Variants in PLD1 observed in about 807,000 individuals in gnomAD.
PLD1 encodes choline phosphatase 1.
In PLD1, 112 loss-of-function variants were observed where a neutral mutation model predicts 137.1. The ratio of observed to expected loss-of-function variants is 0.82; its 90% confidence interval spans 0.70 to 0.96. The LOEUF (loss-of-function observed/expected upper bound fraction) is 0.96, where lower values mean the gene tolerates loss of function less well. Among genes scored for constraint, PLD1 ranks in the 40% least tolerant of loss-of-function variants. The pLI, the probability that PLD1 is intolerant of heterozygous loss-of-function variation, is 0.00. For missense variants in PLD1, 1,321 were observed against 1,342.0 expected, an observed-to-expected ratio of 0.98 and a Z score of 0.24; for synonymous variants, 431 against 454.7, an observed-to-expected ratio of 0.95 and a Z score of 0.66.
intron 11 of PLD1, among the ~76,000 whole-genome samples, chr3:171,703,452 A>G (rs562119720): frequency 6.6e-6 from 1 of 152,376 alleles, no homozygotes; most frequent in East Asian, 1.9e-4. Context: ...AATCTACAAA[A>G]AAGCTACCAG....
At chr3:171,670,307 C>G (rs145138961) in intron 19 of PLD1, among the ~76,000 whole-genome samples, 163 of 152,312 alleles carry the variant, frequency 1.1e-3, no homozygotes, top group South Asian at 5.4e-3. Flanking sequence ...ATAGAAATAA[C>G]AGAAGACTTG....
At chr3:171,619,624 C>G (rs1232201712) in intron 24 of PLD1, among the ~76,000 whole-genome samples, 1 of 152,078 alleles carries the variant, frequency 6.6e-6, no homozygotes, top group African/African-American at 2.4e-5. Context: ...AATATTTTAC[C>G]ATCCTTCTGA....
Position 171,603,662 on chromosome 3 carries a change from G to A in PLD1, c.3001-360C>T, listed in dbSNP as rs563483927. Among the ~76,000 whole-genome samples, 38 of 152,282 alleles carry A rather than the reference G, an allele frequency of 2.5e-4. 1 individual carries two copies. The East Asian group carries it at 6.8e-3, about 27-fold the overall frequency. On this transcript the variant is annotated intron_variant, in intron 26 of 26. Coordinates refer to ENST00000351298, the MANE Select transcript of PLD1 (RefSeq NM_002662.5). ...ATATTTTCCCTAACTTTTCTTGAAA[G>A]AGGCTCATATCTGTACCTTTACATA...
chr3:171,795,046 C>A (rs568795723), intron 1 of PLD1, among the ~76,000 whole-genome samples: 1 of 152,352 alleles, frequency 6.6e-6, no homozygotes, highest in South Asian at 2.1e-4. Context: ...TTATATCATT[C>A]TGATTAGGTG....
At chr3:171,720,909 C>T (rs1261296519) in intron 8 of PLD1, among the ~76,000 whole-genome samples, 1 of 152,172 alleles carries the variant, frequency 6.6e-6, no homozygotes, top group Non-Finnish European at 1.5e-5. Flanking sequence ...TAAATCCAAA[C>T]GTCAGTTTTT....
intron 24 of PLD1, among the ~76,000 whole-genome samples, chr3:171,616,410 G>A (rs1418854998): frequency 2.6e-5 from 4 of 152,160 alleles, no homozygotes; most frequent in Non-Finnish European, 4.4e-5. Context: ...AAATGTCCGT[G>A]TTCAAATCTC....
chr3:171,650,534 T>C (rs1402595912), intron 21 of PLD1, among the ~76,000 whole-genome samples: 1 of 151,856 alleles, frequency 6.6e-6, no homozygotes, highest in East Asian at 1.9e-4. Context: ...AAGGACGGGA[T>C]GTGGAGGGAG....
At chr3:171,801,804 A>G (rs1466873821) in intron 1 of PLD1, among the ~76,000 whole-genome samples, 1 of 152,194 alleles carries the variant, frequency 6.6e-6, no homozygotes, top group Non-Finnish European at 1.5e-5. Flanking sequence ...CCCCGGTAGA[A>G]CTCAAAAAAG....
intron 1 of PLD1, among the ~76,000 whole-genome samples, chr3:171,781,243 T>TA (rs71178238): frequency 3.2e-4 from 48 of 148,508 alleles, no homozygotes; most frequent in Admixed American, 4.7e-4. Flanking sequence ...CAAATGATGG[T>TA]AAAAAAAAAA....
rs2108245292 is a variant in PLD1 at position 171,603,149 on chromosome 3, A to C, written c.3154T>G (p.Leu1052Val). Residue 1052 changes from leucine (L) to valine (V), a missense_variant, in exon 27 of 27, where the codon TTG becomes GTG. Physicochemically the swap from Leu to Val is conservative, Grantham distance 32. Transcript: ENST00000351298. ...GAAGGCAGTAGGCTTTCTTCAGACA[A>C]GAAATAAAAGGGGAATTGCACCAAA... ...GFLVQFPFYFLSEESLLPSVG... is the reference protein window; with the variant it reads ...GFLVQFPFYFVSEESLLPSVG... 2 of 1,614,116 alleles carry C rather than the reference A, an allele frequency of 1.2e-6. No individual in the cohort carries two copies. Among genetic ancestry groups the C allele is most frequent in the East Asian group, 4.5e-5 (2 of 44,878 alleles).
Position 171,764,875 on chromosome 3 carries a change from GAAAGAAA to G in PLD1, c.-31-26800_-31-26794del, listed in dbSNP as rs1560288357. ...AGAAAGAAAGAAAGAAAGAAAGAAA[GAAAGAAA>G]GAAAGAAAGAAAGGAAGGAAGGAAG... is the stretch of plus-strand genomic sequence containing the variant. On this transcript the variant is annotated intron_variant, in intron 1 of 26. Transcript: ENST00000351298. 4.1e-3 allele frequency among the ~76,000 whole-genome samples: 125 copies of G among 30,244 alleles called. 17 individuals are homozygous for G. The highest frequency in any genetic ancestry group is 4.0e-3 in the Non-Finnish European group (58 of 14,436). 19.8% of individuals were successfully genotyped at this position (30,244 alleles called of 152,430 possible).
In PLD1 at chr3:171,603,027, G is replaced by A; in HGVS notation, c.*51C>T. 7.6e-7 allele frequency: 1 copy of A among 1,310,648 alleles called. No individual in the cohort carries two copies. The allele number at this position is 1,310,648 out of a possible 1,614,324, so 81.2% of individuals were successfully genotyped here. A position where few individuals can be genotyped will look rare whatever the true frequency, so the allele number is the denominator to read the frequency against. On this transcript the variant is annotated 3_prime_UTR_variant, in exon 27 of 27. Coordinates refer to ENST00000351298, the MANE Select transcript of PLD1 (RefSeq NM_002662.5). ...TATGACATCCCCAGGAAGTCACTGT[G>A]TGCAGTGTGGTCTCCAGGGTGGAAG...
chr3:171,747,453 CTCTCT>C (rs560044993), intron 1 of PLD1, among the ~76,000 whole-genome samples: 1 of 151,308 alleles, frequency 6.6e-6, no homozygotes, highest in Non-Finnish European at 1.5e-5. Context: ...TCTTCCCTGC[CTCTCT>C]TCTCTTCCTC....
intron 1 of PLD1, among the ~76,000 whole-genome samples, chr3:171,784,503 C>T (rs899987382): frequency 6.6e-6 from 1 of 152,158 alleles, no homozygotes; most frequent in African/African-American, 2.4e-5. Flanking sequence ...CCTAGCCTGA[C>T]CTTCCACTAT....
chr3:171,647,806 T>TAATGATCTA, intron 21 of PLD1, among the ~76,000 whole-genome samples: 2 of 152,280 alleles, frequency 1.3e-5, no homozygotes, highest in Middle Eastern at 6.8e-3. Flanking sequence ...ACAACTATCA[T>TAATGATCTA]AATGATCTAT....
At chr3:171,638,184 CAAAAAAAAAAA>C (rs1040418705) in intron 23 of PLD1, among the ~76,000 whole-genome samples, 29 of 66,808 alleles carry the variant, frequency 4.3e-4, no homozygotes, top group Middle Eastern at 0.016. Context: ...GACTCCGTCT[CAAAAAAAAAAA>C]AAAAAAAAAA....
intron 1 of PLD1, among the ~76,000 whole-genome samples, chr3:171,743,542 C>T (rs1445617790): frequency 6.6e-6 from 1 of 152,198 alleles, no homozygotes; most frequent in Non-Finnish European, 1.5e-5. Context: ...GCTGGTTATG[C>T]AATCCTTCCT....
At position 171,732,312 on chromosome 3, in the gene PLD1, A is replaced by G. The variant is rs74323039; in HGVS notation, c.606+1132T>C. On this transcript the variant is annotated intron_variant, in intron 6 of 26. Coordinates refer to ENST00000351298, the MANE Select transcript of PLD1 (RefSeq NM_002662.5). Reference sequence around the variant, plus strand: ...TCTTGAGATCCTCTGGTGCAACCCAAATTCCTGTTTTCCTGAGAAAACCCT... The same window carrying G: ...TCTTGAGATCCTCTGGTGCAACCCAGATTCCTGTTTTCCTGAGAAAACCCT... Among the ~76,000 whole-genome samples the G allele has an allele frequency of 8.1e-3, 1,233 of 152,240 alleles. 9 individuals are homozygous for G. Among genetic ancestry groups the G allele is most frequent in the African/African-American group, 0.013 (531 of 41,526 alleles).
In PLD1 at chr3:171,724,806, T is replaced by C. The variant is rs762824996; in HGVS notation, c.666-18A>G. On this transcript the variant is annotated intron_variant, in intron 7 of 26. Coordinates refer to ENST00000351298, the MANE Select transcript of PLD1 (RefSeq NM_002662.5). ...TACCTTCTCTGAAAGAGACAGAAAA[T>C]TAACCCATCACCTTCAAATTTCCCA... The C allele has an allele frequency of 2.7e-6, 4 of 1,494,398 alleles. No homozygotes were observed. The highest frequency in any genetic ancestry group is 3.7e-6 in the Non-Finnish European group (4 of 1,075,972). The allele number at this position is 1,494,398 out of a possible 1,614,324, so 92.6% of individuals were successfully genotyped here. A position where few individuals can be genotyped will look rare whatever the true frequency, so the allele number is the denominator to read the frequency against.
Sources: gnomAD v4.1 joint callset for allele counts (sites outside exome capture counted in the v4.1 genomes callset) on GRCh38, gnomAD v4.1.1 for gene constraint, MANE v1.5 for transcripts, NCBI Gene and HGNC (gene_info 2026-07-23, HGNC 2026-07-21) for gene names.